The following DHRS11 variants were observed in gnomAD, a reference collection of about 807,000 sequenced individuals.
DHRS11 encodes the protein dehydrogenase/reductase SDR family member 11.
In DHRS11, 18 loss-of-function variants were observed where a neutral mutation model predicts 30.7. The ratio of observed to expected loss-of-function variants is 0.59; its 90% CI spans 0.41 to 0.87. DHRS11 has a LOEUF of 0.87. Among genes scored for constraint, DHRS11 ranks in the 40% least tolerant of loss-of-function variants. The pLI is 0.00. For synonymous variants in DHRS11, 123 were observed against 139.6 expected, an observed-to-expected ratio of 0.88 and a Z score of 0.84; for missense variants, 300 against 349.0, an observed-to-expected ratio of 0.86 and a Z score of 1.12.
At chr17:36,594,513 A>G (rs2074793413) in intron 1 of DHRS11, 1 of 200,954 alleles carries the variant, frequency 5.0e-6, no homozygotes, top group South Asian at 9.8e-5. Flanking sequence ...AGCTCCTGCA[A>G]CCTCCGCCTC....
At chr17:36,598,886 AT>A (rs2074832535) in intron 3 of DHRS11, 34 bp from the exon 4 acceptor site, 2 of 1,591,414 alleles carry the variant, frequency 1.3e-6, no homozygotes, top group Admixed American at 3.4e-5. Flanking sequence ...CTGGAACTTC[AT>A]TCTCTCCTCT....
At chr17:36,594,427 T>A (rs1208844624) in intron 1 of DHRS11, among the ~76,000 whole-genome samples, 3 of 150,858 alleles carry the variant, frequency 2.0e-5, no homozygotes, top group Non-Finnish European at 4.4e-5. Flanking sequence ...GACTTGAGTT[T>A]ATTTATTTAT....
At chr17:36,596,202 C>G (rs1175006099) in intron 2 of DHRS11, 1 of 151,928 alleles carries the variant, frequency 6.6e-6, no homozygotes, top group Non-Finnish European at 1.5e-5. Flanking sequence ...TCTGTAGTTA[C>G]CAGGCTGGAG....
chr17:36,592,116 T>G lies in DHRS11; in HGVS notation c.107T>G (p.Leu36Arg). 7.8e-7 allele frequency: 1 copy of G among 1,274,486 alleles called. No individual in the cohort carries two copies. Among genetic ancestry groups the G allele is most frequent in the South Asian group, 3.5e-5 (1 of 28,716 alleles). 78.9% of individuals were successfully genotyped at this position (1,274,486 alleles called of 1,614,324 possible). A position where few individuals can be genotyped will look rare whatever the true frequency, so the allele number is the denominator to read the frequency against. The change falls in exon 1 of 7, where the codon CTG (leucine) becomes CGG (arginine). Residue 36 changes from leucine (L) to arginine (R), a missense_variant. By Grantham distance (102) the Leu-to-Arg change is moderately radical (BLOSUM62 -2). Transcript: ENST00000618403. This position sits in a 1 kb window ranked among gnomAD's most constrained non-coding sequence, Gnocchi z 4.4. ...AVARALVQQGLKVVGCARTVG... is the reference protein window; with the variant it reads ...AVARALVQQGRKVVGCARTVG... ...GCCCGGGCCCTGGTCCAGCAGGGACTGAAGGTGGTGGGCTGCGCCCGCACT... is the reference window on the plus strand; with the variant it reads ...GCCCGGGCCCTGGTCCAGCAGGGACGGAAGGTGGTGGGCTGCGCCCGCACT...
At position 36,592,402 on chromosome 17, in the gene DHRS11, T is replaced by G. The variant is rs1193935099; in HGVS notation, c.147+246T>G. On this transcript the variant is annotated intron_variant, in intron 1 of 6. Coordinates refer to ENST00000618403, the MANE Select transcript of DHRS11 (RefSeq NM_024308.4). This position sits in a 1 kb window ranked among gnomAD's most constrained non-coding sequence, Gnocchi z 4.4. ...CCGCCCCTCGGGTCTCCCCAGGGTA[T>G]TGGCCCGAGGAAGGGGAAGCCGGAG... Among the ~76,000 whole-genome samples the G allele has an allele frequency of 6.6e-6, 1 of 152,144 alleles. No homozygotes were observed. The highest frequency in any genetic ancestry group is 1.5e-5 in the Non-Finnish European group (1 of 67,998).
At chr17:36,600,062 T>A in intron 6 of DHRS11, 25 bp downstream of exon 6, 1 of 1,613,832 alleles carries the variant, frequency 6.2e-7, no homozygotes, top group East Asian at 2.2e-5. Flanking sequence ...GACTGTCTAC[T>A]CACTGGAGGA....
chr17:36,594,926 G>T (rs757958894), intron 1 of DHRS11, 45 bp from the exon 2 acceptor site: 2 of 1,606,122 alleles, frequency 1.2e-6, no homozygotes, highest in Non-Finnish European at 1.7e-6. Flanking sequence ...GGGAGCCGTG[G>T]GAGTGAGCTG....
At position 36,595,050 on chromosome 17, in the gene DHRS11, A is replaced by G. The variant is rs200505672; in HGVS notation, c.227A>G (p.Asp76Gly). Residue 76 changes from aspartate (D) to glycine (G), a missense_variant, in exon 2 of 7, where the codon GAC (aspartate) becomes GGC (glycine). Asp to Gly is a moderately conservative substitution (Grantham distance 94). Transcript: ENST00000618403. The stretch of plus-strand genomic sequence containing the variant: ...AGATGTGACCTATCAAATGAAGAGG[A>G]CATCCTCTCCATGTTCTCAGCTATC... ...PYRCDLSNEE[D>G]ILSMFSAIRS... 6.2e-7 allele frequency: 1 copy of G among 1,614,176 alleles called. No individual in the cohort carries two copies. Among genetic ancestry groups the G allele is most frequent in the Non-Finnish European group, 8.5e-7 (1 of 1,180,040 alleles).
intron 2 of DHRS11, chr17:36,596,920 C>T (rs1005713386): frequency 1.9e-5 from 9 of 470,364 alleles, no homozygotes; most frequent in Middle Eastern, 3.4e-4. Flanking sequence ...ATGGTCCTCA[C>T]CCACAGCACA....
At chr17:36,599,110 A>G in intron 4 of DHRS11, 60 bp downstream of exon 4, 1 of 1,570,256 alleles carries the variant, frequency 6.4e-7, no homozygotes, top group Non-Finnish European at 8.6e-7. Context: ...CCACCCACAC[A>G]CACCGTTCAG....
chr17:36,596,191 C>G (rs2074809582), intron 2 of DHRS11: 1 of 151,384 alleles, frequency 6.6e-6, no homozygotes, highest in Non-Finnish European at 1.5e-5. Flanking sequence ...CGAAGTCTTG[C>G]TCTGTAGTTA....
intron 5 of DHRS11, 99 bp downstream of exon 5, chr17:36,599,862 C>T: frequency 1.9e-6 from 3 of 1,585,728 alleles, no homozygotes; most frequent in Non-Finnish European, 2.6e-6. Flanking sequence ...CTTTGTGGCT[C>T]CTCCTGGAGG....
At position 36,595,006 on chromosome 17, in the gene DHRS11, C is replaced by T. The variant is rs183546692; in HGVS notation, c.183C>T (p.Pro61=). The T allele has an allele frequency of 7.5e-5, 121 of 1,614,142 alleles. No individual in the cohort carries two copies. Among genetic ancestry groups the T allele is most frequent in the Non-Finnish European group, 9.0e-5 (106 of 1,180,020 alleles). ...LAAECKSAGY[P]GTLIPYRCDL... ...CTGAATGTAAGAGTGCAGGCTACCC[C>T]GGGACTTTGATCCCCTACAGATGTG... Residue 61 remains proline, a synonymous_variant, in exon 2 of 7, where the codon CCC becomes CCT. Coordinates refer to ENST00000618403, the MANE Select transcript of DHRS11 (RefSeq NM_024308.4).
In DHRS11 at chr17:36,595,128, G is replaced by A. The variant is rs750868814; in HGVS notation, c.305G>A (p.Arg102Gln). The change falls in exon 2 of 7, where the codon CGG becomes CAG. Residue 102 changes from arginine (R) to glutamine (Q), a missense_variant. Arg to Gln is a conservative substitution (Grantham distance 43, BLOSUM62 1). Coordinates refer to ENST00000618403, the MANE Select transcript of DHRS11 (RefSeq NM_024308.4). ...TGCATCAACAATGCTGGCTTGGCCC[G>A]GCCTGACACCCTGCTCTCAGGCAGC... is the stretch of plus-strand genomic sequence containing the variant. ...DICINNAGLA[R>Q]PDTLLSGSTS... 9 of 1,613,936 alleles carry A rather than the reference G, an allele frequency of 5.6e-6. No individual in the cohort carries two copies. Among genetic ancestry groups the A allele is most frequent in the African/African-American group, 1.3e-5 (1 of 74,902 alleles).
chr17:36,599,139 G>GA, intron 4 of DHRS11, 89 bp downstream of exon 4: 1 of 1,506,376 alleles, frequency 6.6e-7, no homozygotes, highest in Non-Finnish European at 8.9e-7. Flanking sequence ...TGTTCAGAAT[G>GA]TGCCGCTCAG....
At position 36,598,382 on chromosome 17, in the gene DHRS11, C is replaced by T. The variant is rs551063769; in HGVS notation, c.452+125C>T. On this transcript the variant is annotated intron_variant, in intron 3 of 6. Transcript: ENST00000618403. ...ATACAGATTTAATACCTGAATGGCACAATTATGGTGAGGGAAAGAATAATG... is the reference window on the plus strand; with the variant it reads ...ATACAGATTTAATACCTGAATGGCATAATTATGGTGAGGGAAAGAATAATG... 4 of 864,290 alleles carry T rather than the reference C, an allele frequency of 4.6e-6. No individual in the cohort carries two copies. The South Asian group carries it at 4.8e-5, about 10-fold the overall frequency. The allele number at this position is 864,290 out of a possible 1,614,324, so 53.5% of individuals were successfully genotyped here.
intron 1 of DHRS11, among the ~76,000 whole-genome samples, chr17:36,594,408 T>A (rs2142812795): frequency 6.6e-6 from 1 of 152,248 alleles, no homozygotes. Flanking sequence ...TGGCCCCTGT[T>A]CCACCCAGGA....
At position 36,592,308 on chromosome 17, in the gene DHRS11, T is replaced by G. The variant is rs2074774044; in HGVS notation, c.147+152T>G. On this transcript the variant is annotated intron_variant, in intron 1 of 6. Coordinates refer to ENST00000618403, the MANE Select transcript of DHRS11 (RefSeq NM_024308.4). The surrounding 1 kb of genome is among the most constrained non-coding windows in gnomAD (Gnocchi z 4.4). ...TCTCCCTTCCCCTTAAGTCTCATCT[T>G]TGAAGGAGCCGTTTGCCCTGACAGC... is the stretch of plus-strand genomic sequence containing the variant. The G allele has an allele frequency of 1.0e-5, 11 of 1,058,318 alleles. No individual in the cohort carries two copies. In the South Asian group the frequency reaches 4.9e-4, roughly 47 times the overall value. The allele number at this position is 1,058,318 out of a possible 1,614,324, so 65.6% of individuals were successfully genotyped here.
At position 36,592,470 on chromosome 17, in the gene DHRS11, G is replaced by T. The variant is rs1599561113; in HGVS notation, c.147+314G>T. The stretch of plus-strand genomic sequence containing the variant: ...CGCCCCTGTGGCCTTCTCGCCCCCG[G>T]CGGCCAAGTGCCTCTAATCTCCAGA... On this transcript the variant is annotated intron_variant, in intron 1 of 6. Transcript: ENST00000618403. This position sits in a 1 kb window ranked among gnomAD's most constrained non-coding sequence, Gnocchi z 4.4. Among the ~76,000 whole-genome samples the T allele has an allele frequency of 6.6e-6, 1 of 152,218 alleles. No homozygotes were observed. The highest frequency in any genetic ancestry group is 2.4e-5 in the African/African-American group (1 of 41,466).
Sources: allele counts gnomAD v4.1 joint callset (sites outside exome capture counted in the v4.1 genomes callset), GRCh38; gene constraint gnomAD v4.1.1; non-coding constraint Gnocchi (gnomAD v3.1); transcripts MANE v1.5; gene names NCBI Gene and HGNC (gene_info 2026-07-23, HGNC 2026-07-21).